COL4A2: variants seen among roughly 807,000 people sequenced by gnomAD.
COL4A2 encodes collagen alpha-2(IV) chain.
In COL4A2, 99 loss-of-function variants were observed where a neutral mutation model predicts 200.2. That is an observed-to-expected ratio of 0.49 (90% CI 0.42 to 0.58). The LOEUF (loss-of-function observed/expected upper bound fraction) is 0.58. Among genes scored for constraint, COL4A2 ranks in the 20% least tolerant of loss-of-function variants. The pLI, the probability that COL4A2 is intolerant of heterozygous loss-of-function variation, is 0.00. For synonymous variants in COL4A2, 897 were observed against 900.6 expected (o/e 1.00, Z 0.07); for missense variants, 1,950 against 2,314.1 (o/e 0.84, Z 3.23).
chr13:110,307,728 G>T lies in COL4A2; in HGVS notation c.-44-132G>T. 1 of 818,852 alleles carries T rather than the reference G, an allele frequency of 1.2e-6. No individual in the cohort carries two copies. Among genetic ancestry groups the T allele is most frequent in the East Asian group, 2.8e-5 (1 of 36,340 alleles). The allele number at this position is 818,852 out of a possible 1,614,324, so 50.7% of individuals were successfully genotyped here. Reference sequence around the variant, plus strand: ...CTCCTTCTTTCCGGGTCGTGGGGGGGACGGCCCTCCGGTCACCCCTGCATG... The same window carrying T: ...CTCCTTCTTTCCGGGTCGTGGGGGGTACGGCCCTCCGGTCACCCCTGCATG... On this transcript the variant is annotated intron_variant, in intron 1 of 47. Transcript: ENST00000360467. This position sits in a 1 kb window ranked among gnomAD's most constrained non-coding sequence, Gnocchi z 5.0.
intron 4 of COL4A2, among the ~76,000 whole-genome samples, chr13:110,416,215 G>A (rs1880037747): frequency 6.6e-6 from 1 of 152,234 alleles, no homozygotes; most frequent in Non-Finnish European, 1.5e-5. Flanking sequence ...TGTCAGCAGT[G>A]CTAAATTAGA....
intron 39 of COL4A2, 143 bp from the exon 40 acceptor site, chr13:110,495,199 C>T: frequency 1.1e-6 from 1 of 908,242 alleles, no homozygotes; most frequent in African/African-American, 1.6e-5. Flanking sequence ...ACCTGGAGGC[C>T]ATATATTGCA....
intron 4 of COL4A2, among the ~76,000 whole-genome samples, chr13:110,408,005 G>A (rs1272194784): frequency 6.6e-6 from 1 of 152,240 alleles, no homozygotes; most frequent in Non-Finnish European, 1.5e-5. Flanking sequence ...GAGGCGTCCA[G>A]GAGGGAGGTA....
At chr13:110,354,627 T>TTG (rs1877110794) in intron 3 of COL4A2, among the ~76,000 whole-genome samples, 1 of 100,832 alleles carries the variant, frequency 9.9e-6, no homozygotes, top group African/African-American at 1.3e-4. Context: ...CTTTTTGGAG[T>TTG]TTTTTTTTTT....
intron 25 of COL4A2, 89 bp from the exon 26 acceptor site, chr13:110,465,914 C>T: frequency 2.0e-6 from 3 of 1,476,862 alleles, no homozygotes; most frequent in Non-Finnish European, 2.8e-6. Flanking sequence ...ATATACGACA[C>T]ACCTTCACAC....
intron 29 of COL4A2, 23 bp downstream of exon 29, chr13:110,473,173 G>T: frequency 1.3e-6 from 2 of 1,542,546 alleles, no homozygotes; most frequent in African/African-American, 1.4e-5. Context: ...TCGGGGAGCC[G>T]GGGGCCCCAT....
At chr13:110,309,201 A>T (rs1375350660) in intron 3 of COL4A2, among the ~76,000 whole-genome samples, 1 of 152,234 alleles carries the variant, frequency 6.6e-6, no homozygotes, top group Non-Finnish European at 1.5e-5. Flanking sequence ...AGCTACTCCC[A>T]CTTGGGGAAG....
intron 3 of COL4A2, among the ~76,000 whole-genome samples, chr13:110,335,821 A>G (rs1305046850): frequency 2.0e-5 from 3 of 152,230 alleles, no homozygotes; most frequent in Middle Eastern, 3.2e-3. Flanking sequence ...ACTACTTCAC[A>G]TATACTATTT....
intron 3 of COL4A2, among the ~76,000 whole-genome samples, chr13:110,333,294 C>A (rs1303294402): frequency 6.6e-6 from 1 of 152,188 alleles, no homozygotes; most frequent in Non-Finnish European, 1.5e-5. Context: ...TGAGATGCTT[C>A]CACCTTCCTA....
At chr13:110,365,357 T>C (rs936235679) in intron 4 of COL4A2, among the ~76,000 whole-genome samples, 3 of 152,172 alleles carry the variant, frequency 2.0e-5, no homozygotes, top group Non-Finnish European at 4.4e-5. Context: ...GCCAGGATGG[T>C]CTCGAACTCC....
intron 20 of COL4A2, among the ~76,000 whole-genome samples, 174 bp downstream of exon 20, chr13:110,450,628 G>T (rs921715243): frequency 1.3e-5 from 2 of 152,210 alleles, no homozygotes; most frequent in African/African-American, 2.4e-5. Flanking sequence ...GCTCTCTGGG[G>T]TCCACGCAGG....
chr13:110,438,746 T>A, intron 15 of COL4A2, 78 bp downstream of exon 15: 1 of 1,584,624 alleles, frequency 6.3e-7, no homozygotes, highest in Non-Finnish European at 8.7e-7. Context: ...TAGAGCTGTT[T>A]CAGATTCACA....
At position 110,508,233 on chromosome 13, in the gene COL4A2, T is replaced by C; in HGVS notation, c.4881+12T>C. 6.2e-7 allele frequency: 1 copy of C among 1,611,536 alleles called. No individual in the cohort carries two copies. The highest frequency in any genetic ancestry group is 8.5e-7 in the Non-Finnish European group (1 of 1,177,886). The stretch of plus-strand genomic sequence containing the variant: ...ATTCCTTCCTCATGGTATGTGGTAT[T>C]TGCCCAGTTCCCCTCCCCAACCACA... On this transcript the variant is annotated intron_variant, in intron 47 of 47. Coordinates refer to ENST00000360467, the MANE Select transcript of COL4A2 (RefSeq NM_001846.4). This position sits in a 1 kb window ranked among gnomAD's most constrained non-coding sequence, Gnocchi z 6.1.
At chr13:110,504,796 C>CG (rs1405079324) in intron 45 of COL4A2, among the ~76,000 whole-genome samples, 1 of 121,916 alleles carries the variant, frequency 8.2e-6, no homozygotes, top group Non-Finnish European at 1.8e-5. Flanking sequence ...GTAGTAGAGA[C>CG]GGGGTTTCAC....
intron 37 of COL4A2, 115 bp from the exon 38 acceptor site, chr13:110,491,955 G>T (rs1594106315): frequency 8.6e-6 from 7 of 814,592 alleles, no homozygotes; most frequent in Non-Finnish European, 1.3e-5. Context: ...AACTGGCACT[G>T]CGGCCCTTCC....
intron 34 of COL4A2, 112 bp from the exon 35 acceptor site, chr13:110,489,333 C>T: frequency 1.9e-6 from 2 of 1,068,992 alleles, no homozygotes; most frequent in Non-Finnish European, 1.4e-6. Context: ...GACAAGATCA[C>T]AAACCTTGAG....
chr13:110,495,283 G>A (rs1883418662), intron 39 of COL4A2, 59 bp from the exon 40 acceptor site: 2 of 1,610,656 alleles, frequency 1.2e-6, no homozygotes, highest in Non-Finnish European at 1.7e-6. Context: ...TTTCACTTAG[G>A]AAAGTCAACT....
At chr13:110,351,218 T>A (rs1876943236) in intron 3 of COL4A2, among the ~76,000 whole-genome samples, 2 of 135,506 alleles carry the variant, frequency 1.5e-5, no homozygotes, top group Non-Finnish European at 3.3e-5. Context: ...CCAGCTATTC[T>A]TTTTGTTTGT....
At chr13:110,363,512 C>T (rs1416720853) in intron 4 of COL4A2, among the ~76,000 whole-genome samples, 4 of 151,998 alleles carry the variant, frequency 2.6e-5, no homozygotes, top group African/African-American at 4.8e-5. Flanking sequence ...GTGCTCGGGG[C>T]GGGTTGGAGG....
Sources: gnomAD v4.1 joint callset for allele counts (sites outside exome capture counted in the v4.1 genomes callset) on GRCh38, gnomAD v4.1.1 for gene constraint, Gnocchi (gnomAD v3.1) non-coding constraint, MANE v1.5 for transcripts, NCBI Gene and HGNC (gene_info 2026-07-23, HGNC 2026-07-21) for gene names.